NRG4: variants seen among roughly 807,000 people sequenced by gnomAD.
NRG4 encodes the protein pro-neuregulin-4, membrane-bound isoform.
NRG4 carries 10 observed loss-of-function variants against 15.0 expected under a neutral mutation model. The ratio of observed to expected loss-of-function variants is 0.67; its 90% CI spans 0.41 to 1.13. The LOEUF is 1.13. NRG4 is among the 50% of genes most tolerant of loss of function. The pLI, the probability that NRG4 is intolerant of heterozygous loss-of-function variation, is 0.00. For missense variants in NRG4, 139 were observed against 140.2 expected, an observed-to-expected ratio of 0.99 and a Z score of 0.04; for synonymous variants, 41 against 50.1, an observed-to-expected ratio of 0.82 and a Z score of 0.77.
intron 3 of NRG4, among the ~76,000 whole-genome samples, chr15:75,998,571 GAAC>G (rs2034294694): frequency 6.6e-6 from 1 of 152,120 alleles, no homozygotes; most frequent in Admixed American, 6.6e-5. Flanking sequence ...TATGAGGTGA[GAAC>G]AATAATAGGG....
downstream of NRG4, chr15:75,937,378 G>C (rs900558559): frequency 2.0e-5 from 3 of 151,728 alleles, no homozygotes; most frequent in African/African-American, 7.3e-5. Context: ...GCATGGTGGC[G>C]GGCACCTGTA....
intron 5 of NRG4, among the ~76,000 whole-genome samples, chr15:75,949,796 A>G (rs963282616): frequency 6.6e-6 from 1 of 152,316 alleles, no homozygotes; most frequent in East Asian, 1.9e-4. Flanking sequence ...TTGCATGTGA[A>G]TATCCAAACT....
At chr15:76,004,006 A>G (rs1367851416) in intron 3 of NRG4, among the ~76,000 whole-genome samples, 1 of 152,238 alleles carries the variant, frequency 6.6e-6, no homozygotes, top group Non-Finnish European at 1.5e-5. Flanking sequence ...TAGTATTATC[A>G]TAAAAATAGT....
At chr15:75,952,592 G>GTT (rs534824735) in intron 5 of NRG4, among the ~76,000 whole-genome samples, 3 of 142,902 alleles carry the variant, frequency 2.1e-5, no homozygotes, top group African/African-American at 2.6e-5. Context: ...CCTCCTCAAA[G>GTT]TTTTTTTTTT....
At chr15:75,943,710 C>CGCACACCTATCTA (rs2031233222) in intron 5 of NRG4, 56 bp from the exon 6 acceptor site, 1 of 1,098,608 alleles carries the variant, frequency 9.1e-7, no homozygotes, top group Admixed American at 1.8e-5. Flanking sequence ...TTTCTTACTA[C>CGCACACCTATCTA]GCACACCTAT....
At chr15:75,974,239 T>C (rs1203587807) in intron 3 of NRG4, among the ~76,000 whole-genome samples, 2 of 152,178 alleles carry the variant, frequency 1.3e-5, no homozygotes, top group Non-Finnish European at 2.9e-5. Context: ...TTATTGTGTC[T>C]ATTTGATTCT....
At chr15:75,990,461 C>T (rs554412655) in intron 3 of NRG4, among the ~76,000 whole-genome samples, 2 of 152,206 alleles carry the variant, frequency 1.3e-5, no homozygotes, top group African/African-American at 2.4e-5. Context: ...ATCACTGTCC[C>T]GTACTGCCTG....
At chr15:76,010,831 T>C (rs16967774) in intron 2 of NRG4, among the ~76,000 whole-genome samples, 1,628 of 152,230 alleles carry the variant, frequency 0.011, 56 homozygotes, top group East Asian at 0.065. Context: ...CTTGTTTTAA[T>C]TGGATTATAG....
At chr15:75,950,965 T>A in intron 5 of NRG4, 1 of 191,842 alleles carries the variant, frequency 5.2e-6, no homozygotes, top group Non-Finnish European at 1.2e-5. Flanking sequence ...CTTCAGCTTG[T>A]AATGCTAAGA....
chr15:76,035,229 G>A (rs334932), intron 5 of NRG4, among the ~76,000 whole-genome samples: 6,283 of 152,256 alleles, frequency 0.041, 410 homozygotes, highest in African/African-American at 0.14. Context: ...CAAGATGCCT[G>A]CTATAGCTCC....
rs1247298451 is a variant in NRG4, at chr15:75,943,514, A to G, written c.*124T>C. ...AGCAGAATGGATTATGGTTCATGAT[A>G]CGAGTTACACAAGCGTTTTATTTAA... On this transcript the variant is annotated 3_prime_UTR_variant, in exon 6 of 6. Transcript: ENST00000394907. 6.0e-6 allele frequency: 4 copies of G among 665,862 alleles called. No individual in the cohort carries two copies. Among genetic ancestry groups the G allele is most frequent in the South Asian group, 1.8e-5 (1 of 54,354 alleles). The allele number at this position is 665,862 out of a possible 1,614,324, so 41.2% of individuals were successfully genotyped here.
chr15:75,945,420 T>G (rs1177576798), intron 5 of NRG4, among the ~76,000 whole-genome samples: 2 of 152,088 alleles, frequency 1.3e-5, no homozygotes, highest in African/African-American at 4.8e-5. Flanking sequence ...CCGGTTCATT[T>G]TTGTATTTTT....
chr15:76,000,400 A>C (rs566386676), intron 3 of NRG4, among the ~76,000 whole-genome samples: 48 of 152,324 alleles, frequency 3.2e-4, no homozygotes, highest in Middle Eastern at 3.4e-3. Flanking sequence ...CAAATACATT[A>C]TCAAAAAGAT....
chr15:75,945,052 G>C (rs2031403533), intron 5 of NRG4, among the ~76,000 whole-genome samples: 1 of 150,836 alleles, frequency 6.6e-6, no homozygotes, highest in African/African-American at 2.4e-5. Context: ...GAACATTCTG[G>C]GGAAAAGAAA....
chr15:76,009,281 G>A lies in NRG4; in HGVS notation c.23C>T (p.Pro8Leu), dbSNP rs137859309. The A allele has an allele frequency of 6.3e-7, 1 of 1,576,256 alleles. No individual in the cohort carries two copies. The highest frequency in any genetic ancestry group is 1.1e-5 in the South Asian group (1 of 87,688). MPTDHEE[P>L]CGPSHKSFCL... ...AAACGACTTGTGACTGGGACCACAG[G>A]GCTCTTCGTGATCTAGAACACATAC... The change falls in exon 3 of 6, where the codon CCC becomes CTC. Residue 8 changes from proline to leucine, a missense_variant. By Grantham distance (98) the Pro-to-Leu change is moderately conservative. Transcript: ENST00000394907.
intron 3 of NRG4, among the ~76,000 whole-genome samples, chr15:75,980,987 A>G (rs926631535): frequency 1.3e-5 from 2 of 152,306 alleles, no homozygotes; most frequent in African/African-American, 4.8e-5. Context: ...TAAATCCAAG[A>G]GCTGGTTCTC....
At chr15:76,012,604 G>A (rs2034850795), upstream of NRG4, among the ~76,000 whole-genome samples, 3 of 152,054 alleles carry the variant, frequency 2.0e-5, 1 homozygote, top group Admixed American at 2.0e-4. Flanking sequence ...TACTGTCCAC[G>A]TTTTAAAGGT....
intron 5 of NRG4, among the ~76,000 whole-genome samples, chr15:75,952,229 C>T (rs1435470692): frequency 6.6e-6 from 1 of 152,164 alleles, no homozygotes; most frequent in Non-Finnish European, 1.5e-5. Context: ...TTAGCCGTCA[C>T]TCCCCAACAT....
At chr15:75,999,506 T>C (rs2034330170) in intron 3 of NRG4, among the ~76,000 whole-genome samples, 1 of 152,162 alleles carries the variant, frequency 6.6e-6, no homozygotes, top group Non-Finnish European at 1.5e-5. Context: ...CTCTGCTATG[T>C]GAGGACACAG....
Sources: allele counts gnomAD v4.1 joint callset (sites outside exome capture counted in the v4.1 genomes callset), GRCh38; gene constraint gnomAD v4.1.1; transcripts MANE v1.5; gene names NCBI Gene and HGNC (gene_info 2026-07-23, HGNC 2026-07-21).